Variants in PDIA4 observed in about 807,000 individuals in gnomAD.
The protein encoded by PDIA4 is protein disulfide isomerase family A member 4.
PDIA4 carries 33 observed loss-of-function variants against 62.1 expected under a neutral mutation model. That is an observed-to-expected ratio of 0.53 (90% CI 0.40 to 0.71). PDIA4 has a LOEUF of 0.71. Among genes scored for constraint, PDIA4 ranks in the 30% least tolerant of loss-of-function variants. The probability of loss-of-function intolerance (pLI) is 0.00; values close to 1 mark genes in which losing one functional copy is unlikely to be tolerated. For synonymous variants in PDIA4, 341 were observed against 324.1 expected (o/e 1.05, Z -0.56); for missense variants, 804 against 813.6 (o/e 0.99, Z 0.14).
In PDIA4 at chr7:149,003,831, T is replaced by A. The variant is rs150870179; in HGVS notation, c.1901A>T (p.His634Leu). ...CTTGGTCCTGCTCAGTTTTGTGGCA[T>A]GTTCTTCTATAAACTTGCTCAAATG... ...LEHLSKFIEE[H>L]ATKLSRTKEE... Residue 634 changes from histidine to leucine, a missense_variant, in exon 10 of 10, where the codon CAT (histidine) becomes CTT (leucine). Physicochemically the swap from His to Leu is moderately conservative, Grantham distance 99. Transcript: ENST00000652332. 6.3e-7 allele frequency: 1 copy of A among 1,587,818 alleles called. No homozygotes were observed. Among genetic ancestry groups the A allele is most frequent in the South Asian group, 1.2e-5 (1 of 85,972 alleles).
intron 1 of PDIA4, among the ~76,000 whole-genome samples, chr7:149,025,758 G>A (rs1051834013): frequency 2.0e-5 from 3 of 152,080 alleles, no homozygotes; most frequent in African/African-American, 7.2e-5. Context: ...TTATGGCTCC[G>A]AAAATAATTA....
intron 3 of PDIA4, among the ~76,000 whole-genome samples, chr7:149,018,030 C>A (rs1824203920): frequency 1.3e-5 from 2 of 152,132 alleles, no homozygotes; most frequent in South Asian, 4.1e-4. Context: ...GAGATCGAGA[C>A]CATCCTGGCT....
chr7:149,003,706 T>G lies in PDIA4; in HGVS notation c.*88A>C. 17 of 882,704 alleles carry G rather than the reference T, an allele frequency of 1.9e-5. No homozygotes were observed. Among genetic ancestry groups the G allele is most frequent in the Non-Finnish European group, 2.5e-5 (15 of 608,120 alleles). The allele number at this position is 882,704 out of a possible 1,614,324, so 54.7% of individuals were successfully genotyped here. A position where few individuals can be genotyped will look rare whatever the true frequency, so the allele number is the denominator to read the frequency against. ...AAAAAAAAAGGAATCCGAGATACTG[T>G]CGTTTGTTGCCGGCCTCGGCGTGGA... On this transcript the variant is annotated 3_prime_UTR_variant, in exon 10 of 10. Transcript: ENST00000652332.
chr7:149,007,130 C>T (rs906627192), intron 7 of PDIA4, among the ~76,000 whole-genome samples: 4 of 151,118 alleles, frequency 2.6e-5, no homozygotes, highest in African/African-American at 9.9e-5. Flanking sequence ...AGGAGAGTTG[C>T]CCTGAGCTTC....
intron 3 of PDIA4, among the ~76,000 whole-genome samples, chr7:149,018,205 G>T (rs903127645): frequency 2.0e-5 from 3 of 151,812 alleles, no homozygotes; most frequent in Non-Finnish European, 2.9e-5. Flanking sequence ...CTCCAGCCTG[G>T]GCAACAGAGT....
intron 4 of PDIA4, among the ~76,000 whole-genome samples, chr7:149,014,536 C>T (rs567255416): frequency 1.3e-5 from 2 of 152,302 alleles, no homozygotes; most frequent in Non-Finnish European, 2.9e-5. Flanking sequence ...AGCTTATCCA[C>T]GCAACTGGTT....
chr7:149,022,393 TA>T (rs1824383194), intron 1 of PDIA4, among the ~76,000 whole-genome samples: 1 of 151,832 alleles, frequency 6.6e-6, no homozygotes, highest in South Asian at 2.1e-4. Context: ...AGGTTCAACT[TA>T]TTTTATTTTA....
intron 1 of PDIA4, among the ~76,000 whole-genome samples, chr7:149,025,690 G>T (rs1385083886): frequency 6.6e-6 from 1 of 152,176 alleles, no homozygotes; most frequent in African/African-American, 2.4e-5. Flanking sequence ...TGTCACATTA[G>T]ATTTTCTTCC....
At chr7:149,025,687 T>C (rs933004637) in intron 1 of PDIA4, among the ~76,000 whole-genome samples, 1 of 152,208 alleles carries the variant, frequency 6.6e-6, no homozygotes, top group Non-Finnish European at 1.5e-5. Flanking sequence ...TATTGTCACA[T>C]TAGATTTTCT....
At chr7:149,007,720 T>C (rs571896373) in intron 7 of PDIA4, among the ~76,000 whole-genome samples, 2 of 152,384 alleles carry the variant, frequency 1.3e-5, no homozygotes, top group Admixed American at 1.3e-4. Flanking sequence ...AACAGCTCCC[T>C]CTGGTGAACA....
At chr7:149,016,240 G>C (rs1295421224) in intron 3 of PDIA4, among the ~76,000 whole-genome samples, 1 of 152,204 alleles carries the variant, frequency 6.6e-6, no homozygotes, top group Non-Finnish European at 1.5e-5. Flanking sequence ...AGGCTGTTCG[G>C]TGAGCCAAGA....
chr7:149,003,705 G>C lies in PDIA4; in HGVS notation c.*89C>G, dbSNP rs1274686720. 1 of 910,638 alleles carries C rather than the reference G, an allele frequency of 1.1e-6. No homozygotes were observed. The highest frequency in any genetic ancestry group is 1.6e-6 in the Non-Finnish European group (1 of 629,246). 56.4% of individuals were successfully genotyped at this position (910,638 alleles called of 1,614,324 possible). A position where few individuals can be genotyped will look rare whatever the true frequency, so the allele number is the denominator to read the frequency against. Reference sequence around the variant, plus strand: ...AAAAAAAAAAGGAATCCGAGATACTGTCGTTTGTTGCCGGCCTCGGCGTGG... The same window carrying C: ...AAAAAAAAAAGGAATCCGAGATACTCTCGTTTGTTGCCGGCCTCGGCGTGG... On this transcript the variant is annotated 3_prime_UTR_variant, in exon 10 of 10. Coordinates refer to ENST00000652332, the MANE Select transcript of PDIA4 (RefSeq NM_004911.5).
chr7:149,016,035 C>T (rs1824125486), intron 3 of PDIA4, among the ~76,000 whole-genome samples: 1 of 152,220 alleles, frequency 6.6e-6, no homozygotes, highest in African/African-American at 2.4e-5. Context: ...GGTGGCTTGC[C>T]TGTAATCCCA....
intron 6 of PDIA4, among the ~76,000 whole-genome samples, chr7:149,011,434 T>C (rs1414072839): frequency 6.6e-6 from 1 of 152,216 alleles, no homozygotes; most frequent in African/African-American, 2.4e-5. Context: ...TATCTCAGTG[T>C]AATAACCTCT....
chr7:149,024,332 C>T (rs1462889693), intron 1 of PDIA4, among the ~76,000 whole-genome samples: 1 of 13,552 alleles, frequency 7.4e-5, no homozygotes, highest in African/African-American at 1.0e-4. Flanking sequence ...AAGGCCCCTA[C>T]CTTTCCATTT....
At chr7:149,027,558 A>C (rs1256874472) in intron 1 of PDIA4, among the ~76,000 whole-genome samples, 1 of 152,234 alleles carries the variant, frequency 6.6e-6, no homozygotes, top group African/African-American at 2.4e-5. Context: ...TAGGAATAAC[A>C]ACTTTTCCTT....
At position 149,028,453 on chromosome 7, in the gene PDIA4, A is replaced by T; in HGVS notation, c.-45T>A. 1 of 1,328,940 alleles carries T rather than the reference A, an allele frequency of 7.5e-7. No individual in the cohort carries two copies. The highest frequency in any genetic ancestry group is 1.0e-6 in the Non-Finnish European group (1 of 1,000,960). The allele number at this position is 1,328,940 out of a possible 1,614,324, so 82.3% of individuals were successfully genotyped here. ...GGCCTCCTAGCGTCGGCGGCCGCTG[A>T]GCGCACCGAGAACTCGGGGTCTGGC... On this transcript the variant is annotated 5_prime_UTR_variant, in exon 1 of 10. Coordinates refer to ENST00000652332, the MANE Select transcript of PDIA4 (RefSeq NM_004911.5).
intron 4 of PDIA4, among the ~76,000 whole-genome samples, chr7:149,013,888 C>A (rs934368900): frequency 6.6e-6 from 1 of 152,156 alleles, no homozygotes; most frequent in East Asian, 1.9e-4. Flanking sequence ...AAGCAACCCA[C>A]CAGTTAGATG....
chr7:149,019,240 T>A, intron 2 of PDIA4, 43 bp from the exon 3 acceptor site: 1 of 1,351,018 alleles, frequency 7.4e-7, no homozygotes, highest in Non-Finnish European at 1.1e-6. Flanking sequence ...TAACTGTACC[T>A]ATGGGATTTA....
Sources: gnomAD v4.1 joint callset for allele counts (sites outside exome capture counted in the v4.1 genomes callset) on GRCh38, gnomAD v4.1.1 for gene constraint, MANE v1.5 for transcripts, NCBI Gene and HGNC (gene_info 2026-07-23, HGNC 2026-07-21) for gene names.